The following BCAS3 variants were observed in gnomAD, a reference collection of about 807,000 sequenced individuals.
The protein encoded by BCAS3 is BCAS3 microtubule associated cell migration factor.
BCAS3 carries 53 observed loss-of-function variants against 116.1 expected under a neutral mutation model. The ratio of observed to expected loss-of-function variants is 0.46; its 90% CI spans 0.37 to 0.57. The LOEUF is 0.57. Ranked by LOEUF, BCAS3 falls within the 20% of genes least tolerant of loss-of-function variation. The pLI, the probability that BCAS3 is intolerant of heterozygous loss-of-function variation, is 0.00. For synonymous variants in BCAS3, 391 were observed against 408.2 expected (o/e 0.96, Z 0.51); for missense variants, 917 against 1,165.4 (o/e 0.79, Z 3.10).
chr17:60,875,562 G>T (rs1412005571), intron 9 of BCAS3, among the ~76,000 whole-genome samples: 1 of 152,030 alleles, frequency 6.6e-6, no homozygotes, highest in African/African-American at 2.4e-5. Flanking sequence ...CTTTTACTTA[G>T]AAGAGAGAAT....
At chr17:60,807,227 A>G (rs1463866565) in intron 6 of BCAS3, among the ~76,000 whole-genome samples, 1 of 152,178 alleles carries the variant, frequency 6.6e-6, no homozygotes, top group African/African-American at 2.4e-5. Flanking sequence ...GGTAAATCTA[A>G]TTCAGTTATG....
rs144887470 is a variant in BCAS3, at chr17:61,288,251, G to A, written c.2426-80076G>A. Among the ~76,000 whole-genome samples the A allele has an allele frequency of 4.6e-5, 7 of 152,302 alleles. No individual in the cohort carries two copies. In the East Asian group the frequency reaches 5.8e-4, roughly 13 times the overall value. On this transcript the variant is annotated intron_variant, in intron 22 of 23. Coordinates refer to ENST00000407086, the MANE Select transcript of BCAS3 (RefSeq NM_017679.5). The stretch of plus-strand genomic sequence containing the variant: ...TTTGATGGCTTGCTGTGCTATTATC[G>A]GTAGTGAATTTTGTGACCTTGACTT...
intron 7 of BCAS3, chr17:60,851,546 T>A: frequency 1.6e-6 from 1 of 613,364 alleles, no homozygotes; most frequent in East Asian, 3.3e-5. Context: ...CTACATGTTC[T>A]TCACGGGGTG....
intron 7 of BCAS3, among the ~76,000 whole-genome samples, chr17:60,824,879 G>T (rs903125775): frequency 2.0e-5 from 3 of 152,084 alleles, no homozygotes; most frequent in African/African-American, 7.2e-5. Context: ...AAAATACATG[G>T]GTTGGGCTGG....
At chr17:60,784,864 C>T (rs1168158860) in intron 6 of BCAS3, among the ~76,000 whole-genome samples, 1 of 151,820 alleles carries the variant, frequency 6.6e-6, no homozygotes, top group Non-Finnish European at 1.5e-5. Flanking sequence ...GGGAGGCTGA[C>T]GTGGATGGAG....
chr17:61,073,417 C>G lies in BCAS3; in HGVS notation c.2030-1503C>G, dbSNP rs1392702320. The stretch of plus-strand genomic sequence containing the variant: ...AGTCTGTGTCTTTTAAAATCTTGCC[C>G]TAGGTTATGCTTTGTCTACTTTATT... On this transcript the variant is annotated intron_variant, in intron 19 of 23. Coordinates refer to ENST00000407086, the MANE Select transcript of BCAS3 (RefSeq NM_017679.5). The surrounding 1 kb of genome is among the most constrained non-coding windows in gnomAD (Gnocchi z 4.6). Among the ~76,000 whole-genome samples, 1 of 152,188 alleles carries G rather than the reference C, an allele frequency of 6.6e-6. No individual in the cohort carries two copies. Among genetic ancestry groups the G allele is most frequent in the Non-Finnish European group, 1.5e-5 (1 of 68,028 alleles).
chr17:61,212,352 C>A (rs1462648247), intron 22 of BCAS3, among the ~76,000 whole-genome samples: 1 of 152,134 alleles, frequency 6.6e-6, no homozygotes, highest in East Asian at 1.9e-4. Context: ...ATCCTCCATC[C>A]TCAGCCTCCC....
intron 22 of BCAS3, among the ~76,000 whole-genome samples, chr17:61,116,164 C>G (rs1012559647): frequency 4.0e-5 from 6 of 151,600 alleles, no homozygotes; most frequent in South Asian, 2.1e-4. Context: ...GTGGGTGCAG[C>G]GCACCAGCAT....
Position 61,244,414 on chromosome 17 carries a change from A to G in BCAS3, c.2426-123913A>G, listed in dbSNP as rs57266200. Among the ~76,000 whole-genome samples, 2,141 of 152,354 alleles carry G rather than the reference A, an allele frequency of 0.014. 35 individuals are homozygous for G. Among genetic ancestry groups the G allele is most frequent in the African/African-American group, 0.048 (1,998 of 41,584 alleles). On this transcript the variant is annotated intron_variant, in intron 22 of 23. Coordinates refer to ENST00000407086, the MANE Select transcript of BCAS3 (RefSeq NM_017679.5). The surrounding 1 kb of genome is among the most constrained non-coding windows in gnomAD (Gnocchi z 4.9). ...TTTTACTTAGCACTATATTGTGAATATCATGAACAAAGACAGTTTGGAAAC... is the reference window on the plus strand; with the variant it reads ...TTTTACTTAGCACTATATTGTGAATGTCATGAACAAAGACAGTTTGGAAAC...
chr17:60,921,079 G>A (rs968915350), intron 12 of BCAS3, among the ~76,000 whole-genome samples: 3 of 152,048 alleles, frequency 2.0e-5, no homozygotes, highest in Non-Finnish European at 4.4e-5. Flanking sequence ...ATACCCATAG[G>A]AAAATAAATG....
chr17:61,086,356 G>A (rs1188607947), intron 22 of BCAS3, among the ~76,000 whole-genome samples: 1 of 152,210 alleles, frequency 6.6e-6, no homozygotes, highest in Admixed American at 6.5e-5. Context: ...GCCTCCCAAA[G>A]TGTTGGGATT....
chr17:61,298,818 AT>A (rs377647589), intron 22 of BCAS3, among the ~76,000 whole-genome samples: 1,269 of 94,070 alleles, frequency 0.013, 21 homozygotes, highest in African/African-American at 0.049. Flanking sequence ...TTATTTATTT[AT>A]TTATTATTAT....
rs2068853091 is a variant in BCAS3, at chr17:61,051,495, A to G, written c.2029+10603A>G. 6.6e-6 allele frequency among the ~76,000 whole-genome samples: 1 copy of G among 152,242 alleles called. No homozygotes were observed. The highest frequency in any genetic ancestry group is 1.5e-5 in the Non-Finnish European group (1 of 68,038). Reference sequence around the variant, plus strand: ...TATCTGAATAAAGTCTCTGGATTGTATCAATGGTGATTTTCTGATTTTGCA... The same window carrying G: ...TATCTGAATAAAGTCTCTGGATTGTGTCAATGGTGATTTTCTGATTTTGCA... On this transcript the variant is annotated intron_variant, in intron 19 of 23. Transcript: ENST00000407086. This position sits in a 1 kb window ranked among gnomAD's most constrained non-coding sequence, Gnocchi z 4.1.
At position 61,351,359 on chromosome 17, in the gene BCAS3, G is replaced by A. The variant is rs143166858; in HGVS notation, c.2426-16968G>A. ...ATGGGAATTATCCTTACATCTCAAA[G>A]TACCTGGTGTAAAGTGGTGAAAGCA... On this transcript the variant is annotated intron_variant, in intron 22 of 23. Transcript: ENST00000407086. Among the ~76,000 whole-genome samples the A allele has an allele frequency of 2.6e-4, 39 of 152,262 alleles. 1 individual carries two copies. The East Asian group carries it at 7.1e-3, about 28-fold the overall frequency.
chr17:60,930,940 T>C (rs1340805947), intron 13 of BCAS3, among the ~76,000 whole-genome samples: 27 of 152,176 alleles, frequency 1.8e-4, no homozygotes, highest in Non-Finnish European at 8.8e-5. Flanking sequence ...GTAGGTTGGT[T>C]GACTGGGTGG....
chr17:61,308,606 A>G (rs761749674), intron 22 of BCAS3, among the ~76,000 whole-genome samples: 4 of 151,982 alleles, frequency 2.6e-5, no homozygotes, highest in Non-Finnish European at 5.9e-5. Context: ...CCTTGAAACG[A>G]TGAGTCTGCA....
intron 22 of BCAS3, among the ~76,000 whole-genome samples, chr17:61,158,296 C>T (rs1383990665): frequency 6.6e-6 from 1 of 152,146 alleles, no homozygotes; most frequent in Admixed American, 6.5e-5. Flanking sequence ...CTTTATACCA[C>T]ATTTTTCTCA....
intron 19 of BCAS3, among the ~76,000 whole-genome samples, chr17:61,067,275 A>ATG (rs1296624692): frequency 4.7e-5 from 2 of 42,612 alleles, no homozygotes; most frequent in African/African-American, 2.1e-4. Flanking sequence ...GTGTATGTGT[A>ATG]TATATATATA....
At chr17:60,841,955 T>C (rs2051977249) in intron 7 of BCAS3, among the ~76,000 whole-genome samples, 1 of 152,124 alleles carries the variant, frequency 6.6e-6, no homozygotes, top group Admixed American at 6.5e-5. Flanking sequence ...TGGCATGAGG[T>C]AGCCTTTCGA....
Sources: allele counts gnomAD v4.1 joint callset (sites outside exome capture counted in the v4.1 genomes callset), GRCh38; gene constraint gnomAD v4.1.1; non-coding constraint Gnocchi (gnomAD v3.1); transcripts MANE v1.5; gene names NCBI Gene and HGNC (gene_info 2026-07-23, HGNC 2026-07-21).